The following FRS3 variants were observed in gnomAD, a reference collection of about 807,000 sequenced individuals.
FRS3 encodes FGFR substrate 3.
Under a neutral mutation model 41.9 loss-of-function variants are expected in FRS3, and 17 were observed. The observed-to-expected ratio is 0.41, with a 90% confidence interval of 0.28 to 0.61. FRS3 has a LOEUF of 0.61. FRS3 is among the 20% of genes least tolerant of loss of function. The pLI is 0.36. For synonymous variants in FRS3, 287 were observed against 274.5 expected, an observed-to-expected ratio of 1.05 and a Z score of -0.45; for missense variants, 619 against 672.1, an observed-to-expected ratio of 0.92 and a Z score of 0.87.
intron 3 of FRS3, 102 bp from the exon 4 acceptor site, chr6:41,775,707 G>A (rs1772397229): frequency 2.4e-6 from 2 of 843,978 alleles, no homozygotes; most frequent in African/African-American, 3.4e-5. Context: ...AAGAGGTGGG[G>A]AACCAAAGGT....
intron 4 of FRS3, among the ~76,000 whole-genome samples, chr6:41,774,971 C>A (rs1772380129): frequency 6.6e-6 from 1 of 152,166 alleles, no homozygotes; most frequent in African/African-American, 2.4e-5. Context: ...GCTCTGCCTG[C>A]TCACCCAGCG....
Position 41,771,400 on chromosome 6 carries a change from A to G in FRS3, c.698T>C (p.Val233Ala), listed in dbSNP as rs1328605812. Reference protein sequence around the residue: ...ARGPDQRDPQVFLQPGQVKFV... With the variant: ...ARGPDQRDPQAFLQPGQVKFV... ...CTTCACCTGGCCTGGCTGCAAGAACACCTGTGGGTCCCGTTGGTCAGGTCC... is the reference window on the plus strand; with the variant it reads ...CTTCACCTGGCCTGGCTGCAAGAACGCCTGTGGGTCCCGTTGGTCAGGTCC... The change falls in exon 7 of 7, where the codon GTG (valine) becomes GCG (alanine). Residue 233 changes from valine to alanine, a missense_variant. Transcript: ENST00000373018. The G allele has an allele frequency of 1.9e-6, 3 of 1,613,264 alleles. No homozygotes were observed. The highest frequency in any genetic ancestry group is 2.7e-5 in the African/African-American group (2 of 74,778).
chr6:41,779,420 G>C (rs1772481658), intron 1 of FRS3, among the ~76,000 whole-genome samples: 1 of 151,966 alleles, frequency 6.6e-6, no homozygotes, highest in Non-Finnish European at 1.5e-5. Flanking sequence ...GGGATCCTAG[G>C]AATTTCCGGG....
At chr6:41,777,489 T>C (rs1772436243) in intron 2 of FRS3, 1 of 155,122 alleles carries the variant, frequency 6.4e-6, no homozygotes, top group African/African-American at 2.4e-5. Context: ...TTTTACCTCA[T>C]CCATTCCACT....
chr6:41,770,965 G>C lies in FRS3; in HGVS notation c.1133C>G (p.Ala378Gly). Reference protein sequence around the residue: ...TPLQKPTSTRAAIRSHGSFPV... With the variant: ...TPLQKPTSTRGAIRSHGSFPV... ...AAAGCTGCCGTGGCTGCGGATGGCG[G>C]CCCGGGTGCTGGTGGGCTTCTGCAG... is the stretch of plus-strand genomic sequence containing the variant. Residue 378 changes from alanine (A) to glycine (G), a missense_variant, in exon 7 of 7, where the codon GCC becomes GGC. Physicochemically the swap from Ala to Gly is moderately conservative, Grantham distance 60. Around this residue, in one of 3 missense-constraint regions of FRS3, gnomAD observed 487 missense variants for 478.3 expected, o/e 1.02. Transcript: ENST00000373018. 5 of 1,612,950 alleles carry C rather than the reference G, an allele frequency of 3.1e-6. No individual in the cohort carries two copies. Among genetic ancestry groups the C allele is most frequent in the Non-Finnish European group, 4.2e-6 (5 of 1,179,930 alleles).
At position 41,775,533 on chromosome 6, in the gene FRS3, G is replaced by C. The variant is rs1772392827; in HGVS notation, c.139C>G (p.Leu47Val). 1 of 1,613,898 alleles carries C rather than the reference G, an allele frequency of 6.2e-7. No individual in the cohort carries two copies. The highest frequency in any genetic ancestry group is 1.3e-5 in the African/African-American group (1 of 74,932). The part of the protein sequence containing the change: ...VMELTQSELV[L>V]HLHRREAVRW... ...ACGGCCTCACGCCGATGCAGGTGCA[G>C]CACCAGCTCACTCTGCGTCAGCTCC... Residue 47 changes from leucine to valine, a missense_variant, in exon 4 of 7, where the codon CTG (leucine) becomes GTG (valine). Coordinates refer to ENST00000373018, the MANE Select transcript of FRS3 (RefSeq NM_006653.5).
At chr6:41,779,378 T>C (rs1438630578) in intron 1 of FRS3, among the ~76,000 whole-genome samples, 2 of 151,700 alleles carry the variant, frequency 1.3e-5, no homozygotes, top group African/African-American at 2.4e-5. Context: ...GATGTGGGCA[T>C]TTTGGATAGT....
chr6:41,774,994 C>T (rs1236649380), intron 4 of FRS3, among the ~76,000 whole-genome samples: 1 of 152,118 alleles, frequency 6.6e-6, no homozygotes, highest in Non-Finnish European at 1.5e-5. Flanking sequence ...CCTGCCTCTG[C>T]CTCATGAATT....
intron 5 of FRS3, among the ~76,000 whole-genome samples, chr6:41,772,491 A>C (rs570922491): frequency 1.7e-3 from 261 of 152,276 alleles, no homozygotes; most frequent in Non-Finnish European, 2.6e-3. Flanking sequence ...GACCCAATAG[A>C]CAGAGGAAGA....
In FRS3 at chr6:41,771,943, C is replaced by G. The variant is rs765889251; in HGVS notation, c.437G>C (p.Ser146Thr). ...PPNALGYTVS[S>T]FSNGCPGEGP... Reference sequence around the variant, plus strand: ...CTCTCCAGGGCAGCCATTGGAAAAGCTGGAGACAGTGTAGCCTAGAGCTGA... The same window carrying G: ...CTCTCCAGGGCAGCCATTGGAAAAGGTGGAGACAGTGTAGCCTAGAGCTGA... Residue 146 changes from serine to threonine, a missense_variant, in exon 6 of 7, where the codon AGC (serine) becomes ACC (threonine). Physicochemically the swap from Ser to Thr is moderately conservative, Grantham distance 58. Around this residue, in one of 3 missense-constraint regions of FRS3, gnomAD observed 487 missense variants for 478.3 expected, o/e 1.02. Coordinates refer to ENST00000373018, the MANE Select transcript of FRS3 (RefSeq NM_006653.5). The G allele has an allele frequency of 7.1e-5, 111 of 1,563,608 alleles. No homozygotes were observed. The South Asian group carries it at 1.3e-3, about 18-fold the overall frequency.
chr6:41,774,042 C>A (rs550943137), intron 4 of FRS3, among the ~76,000 whole-genome samples: 1 of 151,784 alleles, frequency 6.6e-6, no homozygotes, highest in African/African-American at 2.4e-5. Context: ...CTCCGCCTCC[C>A]GGGTTCACGC....
At chr6:41,779,057 G>A (rs1452647385) in intron 1 of FRS3, among the ~76,000 whole-genome samples, 1 of 152,192 alleles carries the variant, frequency 6.6e-6, no homozygotes, top group Non-Finnish European at 1.5e-5. Context: ...GCTCAGGGAG[G>A]TGTGCACAGA....
intron 6 of FRS3, 34 bp downstream of exon 6, chr6:41,771,782 C>A (rs772663812): frequency 6.5e-7 from 1 of 1,545,608 alleles, no homozygotes; most frequent in Non-Finnish European, 8.7e-7. Context: ...CCACCCAGAC[C>A]AACAGGGCAG....
At chr6:41,771,696 A>G (rs1772298194) in intron 6 of FRS3, 120 bp downstream of exon 6, 2 of 1,242,580 alleles carry the variant, frequency 1.6e-6, no homozygotes, top group African/African-American at 1.5e-5. Context: ...GGGGACAGGA[A>G]GGGACCGTTA....
At chr6:41,772,067 G>T in intron 5 of FRS3, 103 bp from the exon 6 acceptor site, 1 of 940,864 alleles carries the variant, frequency 1.1e-6, no homozygotes, top group Non-Finnish European at 1.6e-6. Context: ...ATGGAGGACA[G>T]ATGTTCTCAG....
intron 4 of FRS3, among the ~76,000 whole-genome samples, chr6:41,774,090 C>T (rs1772363262): frequency 2.6e-5 from 4 of 152,098 alleles, no homozygotes; most frequent in African/African-American, 9.6e-5. Flanking sequence ...GCTGGGACTA[C>T]AGGTGCCCGC....
intron 1 of FRS3, among the ~76,000 whole-genome samples, chr6:41,778,532 T>C (rs2127301559): frequency 6.6e-6 from 1 of 152,308 alleles, no homozygotes; most frequent in East Asian, 1.9e-4. Flanking sequence ...AAGGACACTG[T>C]GATATAGTAG....
intron 3 of FRS3, chr6:41,776,336 ACTGCAAC>A (rs1772410618): frequency 6.6e-6 from 1 of 152,636 alleles, no homozygotes. Context: ...ATCTCAGCCC[ACTGCAAC>A]CTCCACCTCC....
rs753489129 is a variant in FRS3, at chr6:41,771,952, G to A, written c.428C>T (p.Thr143Ile). The A allele has an allele frequency of 5.1e-6, 8 of 1,562,022 alleles. No individual in the cohort carries two copies. In the East Asian group the frequency reaches 7.1e-5, roughly 14 times the overall value. Residue 143 changes from threonine to isoleucine, a missense_variant, in exon 6 of 7, where the codon ACT becomes ATT. Thr to Ile is a moderately conservative substitution (Grantham distance 89). This residue lies in a region of FRS3 where 487 missense variants were observed against 478.3 expected (regional missense o/e 1.02). Transcript: ENST00000373018. ...APQPPNALGYTVSSFSNGCPG... is the reference protein window; with the variant it reads ...APQPPNALGYIVSSFSNGCPG... ...GCAGCCATTGGAAAAGCTGGAGACA[G>A]TGTAGCCTAGAGCTGAGCACACGGG...
Sources: allele counts gnomAD v4.1 joint callset (sites outside exome capture counted in the v4.1 genomes callset), GRCh38; gene constraint gnomAD v4.1.1; regional missense constraint gnomAD v4.1.1; transcripts MANE v1.5; gene names NCBI Gene and HGNC (gene_info 2026-07-23, HGNC 2026-07-21).